MTUS2: variants seen among roughly 807,000 people sequenced by gnomAD.
MTUS2 encodes the protein microtubule associated scaffold protein 2.
Under a neutral mutation model 114.1 loss-of-function variants are expected in MTUS2, and 40 were observed. The observed-to-expected ratio is 0.35, with a 90% CI of 0.27 to 0.46. The LOEUF (loss-of-function observed/expected upper bound fraction) is 0.46, where lower values mean the gene tolerates loss of function less well. Among genes scored for constraint, MTUS2 ranks in the 20% least tolerant of loss-of-function variants. The pLI is 1.00. For synonymous variants in MTUS2, 688 were observed against 672.0 expected, an observed-to-expected ratio of 1.02 and a Z score of -0.37; for missense variants, 1,679 against 1,705.4, an observed-to-expected ratio of 0.98 and a Z score of 0.27.
intron 5 of MTUS2, among the ~76,000 whole-genome samples, chr13:29,127,456 G>A (rs1356236710): frequency 1.3e-5 from 2 of 152,138 alleles, no homozygotes; most frequent in East Asian, 3.9e-4. Context: ...TTTAGCCTGG[G>A]TGAGCCTCAT....
At chr13:29,276,144 C>T (rs1725470132) in intron 5 of MTUS2, among the ~76,000 whole-genome samples, 2 of 152,146 alleles carry the variant, frequency 1.3e-5, no homozygotes, top group African/African-American at 2.4e-5. Context: ...GGTGTCCACA[C>T]ACTGTGAGGA....
chr13:29,298,857 T>G (rs1899065058), intron 6 of MTUS2, among the ~76,000 whole-genome samples: 1 of 152,166 alleles, frequency 6.6e-6, no homozygotes, highest in South Asian at 2.1e-4. Context: ...TCTCCCAGAT[T>G]TGACACCAGA....
chr13:29,113,584 AT>A (rs1423673903), intron 5 of MTUS2, among the ~76,000 whole-genome samples: 1 of 152,112 alleles, frequency 6.6e-6, no homozygotes, highest in Admixed American at 6.5e-5. Flanking sequence ...TCTAAATCTT[AT>A]TTAATGTTAA....
chr13:29,316,511 T>G (rs1566125909), intron 6 of MTUS2, among the ~76,000 whole-genome samples: 1 of 152,188 alleles, frequency 6.6e-6, no homozygotes, highest in Non-Finnish European at 1.5e-5. Context: ...ACCCCGACTC[T>G]CTTCTAAGCT....
At chr13:28,904,666 A>G (rs867950966) in intron 2 of MTUS2, among the ~76,000 whole-genome samples, 2,679 of 152,178 alleles carry the variant, frequency 0.018, 84 homozygotes, top group African/African-American at 0.061. Context: ...GCCTTGTAGT[A>G]TAGTTTGAAG....
chr13:29,209,758 C>T (rs976944195), intron 5 of MTUS2, among the ~76,000 whole-genome samples: 12 of 152,104 alleles, frequency 7.9e-5, no homozygotes, highest in African/African-American at 2.7e-4. Flanking sequence ...AGGTAGGACC[C>T]CAATCCCTTC....
At chr13:28,993,264 G>A (rs1051606944) in intron 2 of MTUS2, among the ~76,000 whole-genome samples, 7 of 152,156 alleles carry the variant, frequency 4.6e-5, no homozygotes, top group Non-Finnish European at 1.0e-4. Context: ...AAGTGGGATT[G>A]CTGGATCATG....
chr13:28,951,971 AGAGTGCCTGTG>A (rs1248359207), intron 2 of MTUS2, among the ~76,000 whole-genome samples: 1 of 152,158 alleles, frequency 6.6e-6, no homozygotes, highest in Non-Finnish European at 1.5e-5. Context: ...GGCTGGTGAT[AGAGTGCCTGTG>A]TGCAGCATGC....
At chr13:29,361,804 A>C (rs1870277490) in intron 8 of MTUS2, among the ~76,000 whole-genome samples, 1 of 152,170 alleles carries the variant, frequency 6.6e-6, no homozygotes, top group Non-Finnish European at 1.5e-5. Context: ...AAAATGCATG[A>C]TCTCTTTGTT....
chr13:29,466,389 G>A (rs1246521292), intron 9 of MTUS2, among the ~76,000 whole-genome samples: 33 of 152,106 alleles, frequency 2.2e-4, no homozygotes, highest in Admixed American at 2.2e-3. Context: ...AAAGTTCCTG[G>A]GTGGAAACAA....
At chr13:28,928,192 T>TA (rs960598745) in intron 2 of MTUS2, among the ~76,000 whole-genome samples, 38 of 148,758 alleles carry the variant, frequency 2.6e-4, no homozygotes, top group African/African-American at 7.2e-4. Context: ...TTGACATGGG[T>TA]AAAAAAAAAA....
intron 6 of MTUS2, among the ~76,000 whole-genome samples, chr13:29,318,101 G>A (rs1201836532): frequency 6.6e-6 from 1 of 152,206 alleles, no homozygotes; most frequent in Admixed American, 6.5e-5. Context: ...CAGGCAAGTG[G>A]AGGGAAAACT....
chr13:29,461,115 G>T (rs1356535408), intron 9 of MTUS2, among the ~76,000 whole-genome samples: 2 of 152,088 alleles, frequency 1.3e-5, no homozygotes, highest in African/African-American at 4.8e-5. Flanking sequence ...CTTCTGGTAA[G>T]GGCCAACTTG....
rs1883079893 is a variant in MTUS2, at chr13:29,504,051, C to T, written c.*845C>T. The stretch of plus-strand genomic sequence containing the variant: ...GTTTTGCTTTTTTCCTAAATGGCAT[C>T]TCAGACTCGGTCATTAAGCTATTGT... On this transcript the variant is annotated 3_prime_UTR_variant, in exon 16 of 16. Transcript: ENST00000612955. The T allele has an allele frequency of 8.6e-6, 2 of 231,914 alleles. No homozygotes were observed. Among genetic ancestry groups the T allele is most frequent in the South Asian group, 3.6e-4 (2 of 5,524 alleles). 14.4% of individuals were successfully genotyped at this position (231,914 alleles called of 1,614,324 possible).
intron 5 of MTUS2, among the ~76,000 whole-genome samples, chr13:29,195,654 C>G (rs1894663432): frequency 1.3e-5 from 2 of 152,100 alleles, no homozygotes; most frequent in South Asian, 4.2e-4. Context: ...GCCAGACGCC[C>G]TGTGGAGGCC....
At chr13:28,900,275 T>C (rs1413534596) in intron 2 of MTUS2, among the ~76,000 whole-genome samples, 1 of 152,234 alleles carries the variant, frequency 6.6e-6, no homozygotes, top group Non-Finnish European at 1.5e-5. Flanking sequence ...GTTCAGATTC[T>C]CCCACCAGTT....
intron 1 of MTUS2, among the ~76,000 whole-genome samples, chr13:28,838,177 T>C (rs1231750273): frequency 1.3e-5 from 2 of 152,170 alleles, no homozygotes; most frequent in Non-Finnish European, 1.5e-5. Context: ...AACAAAACAA[T>C]TTATAGTAGG....
chr13:29,007,612 A>G (rs1264760274), intron 2 of MTUS2, among the ~76,000 whole-genome samples: 2 of 152,102 alleles, frequency 1.3e-5, no homozygotes, highest in African/African-American at 4.8e-5. Context: ...AGCAAGACCA[A>G]CCCCTCCTCT....
chr13:29,405,727 A>G (rs1874699015), intron 8 of MTUS2, among the ~76,000 whole-genome samples: 1 of 145,958 alleles, frequency 6.9e-6, no homozygotes, highest in African/African-American at 2.5e-5. Flanking sequence ...TATGACGACC[A>G]TGGGCTAATT....
Sources: gnomAD v4.1 joint callset for allele counts (sites outside exome capture counted in the v4.1 genomes callset) on GRCh38, gnomAD v4.1.1 for gene constraint, MANE v1.5 for transcripts, NCBI Gene and HGNC (gene_info 2026-07-23, HGNC 2026-07-21) for gene names.